The following TCF7L1 variants were observed in gnomAD, a reference collection of about 807,000 sequenced individuals.
The protein encoded by TCF7L1 is transcription factor 7-like 1.
TCF7L1 carries 18 observed loss-of-function variants against 63.7 expected under a neutral mutation model. The ratio of observed to expected loss-of-function variants is 0.28; its 90% CI spans 0.20 to 0.42. The LOEUF is 0.42. TCF7L1 is among the 10% of genes least tolerant of loss of function. TCF7L1 has a pLI of 1.00. For synonymous variants in TCF7L1, 355 were observed against 340.9 expected, an observed-to-expected ratio of 1.04 and a Z score of -0.46; for missense variants, 654 against 779.3, an observed-to-expected ratio of 0.84 and a Z score of 1.91.
At chr2:85,242,941 A>G (rs1389296213) in intron 3 of TCF7L1, among the ~76,000 whole-genome samples, 1 of 152,148 alleles carries the variant, frequency 6.6e-6, no homozygotes. Flanking sequence ...TTTAGATTAC[A>G]CACCTCTGGC....
Position 85,133,701 on chromosome 2 carries a change from G to A in TCF7L1, c.17G>A (p.Gly6Asp). 1 of 1,023,126 alleles carries A rather than the reference G, an allele frequency of 9.8e-7. No homozygotes were observed. The highest frequency in any genetic ancestry group is 1.2e-6 in the Non-Finnish European group (1 of 862,842). 63.4% of individuals were successfully genotyped at this position (1,023,126 alleles called of 1,614,324 possible). The change falls in exon 1 of 12, where the codon GGC (glycine) becomes GAC (aspartate). Residue 6 changes from glycine (G) to aspartate (D), a missense_variant. Gly to Asp is a moderately conservative substitution (Grantham distance 94, BLOSUM62 -1). Coordinates refer to ENST00000282111, the MANE Select transcript of TCF7L1 (RefSeq NM_031283.3). The surrounding 1 kb of genome is among the most constrained non-coding windows in gnomAD (Gnocchi z 4.4). Reference sequence around the variant, plus strand: ...GGCCCCACCATGCCCCAGCTCGGCGGCGGGGGCGGCGGCGGCGGCGGCGGC... The same window carrying A: ...GGCCCCACCATGCCCCAGCTCGGCGACGGGGGCGGCGGCGGCGGCGGCGGC... The part of the protein sequence containing the change: MPQLG[G>D]GGGGGGGGSG...
intron 3 of TCF7L1, among the ~76,000 whole-genome samples, chr2:85,267,649 CAAAA>C (rs200180895): frequency 1.0e-5 from 1 of 98,568 alleles, no homozygotes; most frequent in Admixed American, 1.1e-4. Flanking sequence ...GACTCTGTCT[CAAAA>C]AAAAAAAAAA....
intron 3 of TCF7L1, among the ~76,000 whole-genome samples, chr2:85,282,022 C>G (rs369007628): frequency 6.6e-6 from 1 of 152,080 alleles, no homozygotes; most frequent in African/African-American, 2.4e-5. Flanking sequence ...AAGTCTCACT[C>G]TGTCGTCCAG....
intron 3 of TCF7L1, among the ~76,000 whole-genome samples, chr2:85,256,182 G>A (rs62165596): frequency 6.6e-6 from 1 of 152,188 alleles, no homozygotes; most frequent in Admixed American, 6.5e-5. Context: ...TTCTGGCTTC[G>A]ATGTGCTTTG....
chr2:85,276,710 G>A (rs1026131615), intron 3 of TCF7L1, among the ~76,000 whole-genome samples: 5 of 152,130 alleles, frequency 3.3e-5, no homozygotes, highest in Non-Finnish European at 7.4e-5. Flanking sequence ...TAAGCTCACG[G>A]CATTAATACA....
chr2:85,308,890 G>A, intron 11 of TCF7L1, 139 bp from the exon 12 acceptor site: 2 of 980,088 alleles, frequency 2.0e-6, no homozygotes, highest in South Asian at 1.6e-5. Context: ...TCCTAGTCTT[G>A]AAAGCCTTGG....
At chr2:85,308,390 T>G (rs1682174141) in intron 11 of TCF7L1, among the ~76,000 whole-genome samples, 1 of 127,566 alleles carries the variant, frequency 7.8e-6, no homozygotes. Flanking sequence ...TCACCTTCCC[T>G]CCCATTCTCC....
chr2:85,192,840 A>C (rs1679066688), intron 3 of TCF7L1, among the ~76,000 whole-genome samples: 1 of 151,032 alleles, frequency 6.6e-6, no homozygotes, highest in Admixed American at 6.6e-5. Context: ...TCCTTGGCTA[A>C]TTTTTTTTAA....
intron 3 of TCF7L1, among the ~76,000 whole-genome samples, chr2:85,241,998 T>C (rs993927945): frequency 8.1e-6 from 1 of 123,902 alleles, no homozygotes. Context: ...CTTGCTTTTT[T>C]TTTGGGCGGA....
intron 3 of TCF7L1, among the ~76,000 whole-genome samples, chr2:85,144,642 A>G (rs1361520948): frequency 6.6e-6 from 1 of 151,788 alleles, no homozygotes; most frequent in African/African-American, 2.4e-5. Context: ...AATACATACT[A>G]AACATTTACA....
intron 3 of TCF7L1, among the ~76,000 whole-genome samples, chr2:85,255,201 G>A (rs1372740582): frequency 6.6e-6 from 1 of 152,156 alleles, no homozygotes; most frequent in Non-Finnish European, 1.5e-5. Context: ...AGGATCCTCA[G>A]CTAATGCATG....
At position 85,309,078 on chromosome 2, in the gene TCF7L1, CG is replaced by C. The variant is rs749496112; in HGVS notation, c.1384del (p.Glu462ArgfsTer141). On this transcript the variant is annotated frameshift_variant, in exon 12 of 12. Transcript: ENST00000282111. LOFTEE classifies it high-confidence loss of function. Reference sequence around the variant, plus strand: ...AGCCATGTGTTCAGTACCTGCCCCCCGAGAAGCCCTGTGACAGCCCTGCCTC... The same window carrying C: ...AGCCATGTGTTCAGTACCTGCCCCCCAGAAGCCCTGTGACAGCCCTGCCTC... ...KKPCVQYLPP[E>X]KPCDSPASSH... 1 of 1,613,022 alleles carries C rather than the reference CG, an allele frequency of 6.2e-7. No homozygotes were observed. The highest frequency in any genetic ancestry group is 8.5e-7 in the Non-Finnish European group (1 of 1,179,554).
chr2:85,189,209 AT>A (rs920058217), intron 3 of TCF7L1, among the ~76,000 whole-genome samples: 5 of 149,554 alleles, frequency 3.3e-5, no homozygotes, highest in African/African-American at 7.4e-5. Context: ...CGCTTCGGGG[AT>A]TTTTTTTTTC....
intron 3 of TCF7L1, among the ~76,000 whole-genome samples, chr2:85,252,992 C>T (rs572828274): frequency 1.3e-5 from 2 of 152,266 alleles, no homozygotes; most frequent in South Asian, 2.1e-4. Context: ...ATTAGACCTT[C>T]GCCACTCCCA....
At chr2:85,299,778 G>A (rs1351878199) in intron 4 of TCF7L1, among the ~76,000 whole-genome samples, 1 of 151,028 alleles carries the variant, frequency 6.6e-6, no homozygotes, top group Non-Finnish European at 1.5e-5. Context: ...AGGATTGCTT[G>A]AGCCTGGGAG....
Position 85,305,263 on chromosome 2 carries a change from G to C in TCF7L1, c.849G>C (p.Leu283=), listed in dbSNP as rs770619484. Residue 283 remains leucine, a synonymous_variant, in exon 8 of 12, where the codon CTG becomes CTC. Transcript: ENST00000282111. ...ALAMNASMSS[L]VSSRFSPHMV... is the part of the protein sequence containing the mutation. Reference sequence around the variant, plus strand: ...TTTGTTTCTATCCGGTGCACAGCCTGGTCTCCAGTCGGTTCTCTCCTCACA... The same window carrying C: ...TTTGTTTCTATCCGGTGCACAGCCTCGTCTCCAGTCGGTTCTCTCCTCACA... 12 of 1,614,104 alleles carry C rather than the reference G, an allele frequency of 7.4e-6. No individual in the cohort carries two copies. The South Asian group carries it at 1.2e-4, about 16-fold the overall frequency.
chr2:85,266,689 T>C (rs140833016), intron 3 of TCF7L1, among the ~76,000 whole-genome samples: 1 of 152,408 alleles, frequency 6.6e-6, no homozygotes, highest in East Asian at 1.9e-4. Flanking sequence ...ATGCTCTGCA[T>C]GCCTTACGGC....
chr2:85,271,817 C>T (rs186745487), intron 3 of TCF7L1, among the ~76,000 whole-genome samples: 112 of 152,276 alleles, frequency 7.4e-4, no homozygotes, highest in Middle Eastern at 3.4e-3. Flanking sequence ...GAGTAGCCTC[C>T]TGCTAGCTTT....
intron 3 of TCF7L1, among the ~76,000 whole-genome samples, chr2:85,146,658 C>T (rs533282066): frequency 3.9e-4 from 60 of 152,056 alleles, no homozygotes; most frequent in South Asian, 1.2e-3. Flanking sequence ...CCTGCCACCA[C>T]GCCTGGCTAA....
Sources: gnomAD v4.1 joint callset for allele counts (sites outside exome capture counted in the v4.1 genomes callset) on GRCh38, gnomAD v4.1.1 for gene constraint, Gnocchi (gnomAD v3.1) non-coding constraint, MANE v1.5 for transcripts, NCBI Gene and HGNC (gene_info 2026-07-23, HGNC 2026-07-21) for gene names.